The following CACNA2D3 variants were observed in gnomAD, a reference collection of about 807,000 sequenced individuals.
CACNA2D3 encodes the protein voltage-dependent calcium channel subunit alpha-2/delta-3.
Under a neutral mutation model 160.6 loss-of-function variants are expected in CACNA2D3, and 60 were observed. The observed-to-expected ratio is 0.37, with a 90% CI of 0.30 to 0.46. The LOEUF is 0.46. Among genes scored for constraint, CACNA2D3 ranks in the 20% least tolerant of loss-of-function variants. The probability of loss-of-function intolerance (pLI) is 1.00; values close to 1 mark genes in which losing one functional copy is unlikely to be tolerated. For synonymous variants in CACNA2D3, 558 were observed against 492.9 expected, an observed-to-expected ratio of 1.13 and a Z score of -1.75; for missense variants, 1,205 against 1,365.0, an observed-to-expected ratio of 0.88 and a Z score of 1.85.
chr3:54,870,611 A>G (rs1699504615), intron 17 of CACNA2D3, among the ~76,000 whole-genome samples: 3 of 152,222 alleles, frequency 2.0e-5, no homozygotes, highest in Non-Finnish European at 2.9e-5. Context: ...CGTCCGGTCG[A>G]TAAAATGGTA....
In CACNA2D3 at chr3:54,833,902, C is replaced by T. The variant is rs571711259; in HGVS notation, c.1399-3257C>T. On this transcript the variant is annotated intron_variant, in intron 14 of 37. Coordinates refer to ENST00000474759, the MANE Select transcript of CACNA2D3 (RefSeq NM_018398.3). The stretch of plus-strand genomic sequence containing the variant: ...CTGGCCAAGCCAGTTCAAATTGGGG[C>T]CAGAACTGCCCCTAGGAGAGGTCCA... 4.6e-5 allele frequency among the ~76,000 whole-genome samples: 7 copies of T among 152,208 alleles called. No homozygotes were observed. The East Asian group carries it at 1.2e-3, about 25-fold the overall frequency.
At chr3:54,378,319 G>A (rs901438801) in intron 3 of CACNA2D3, among the ~76,000 whole-genome samples, 4 of 152,100 alleles carry the variant, frequency 2.6e-5, no homozygotes, top group Admixed American at 2.0e-4. Flanking sequence ...CCTTGCATGC[G>A]CAGTTCACAA....
intron 11 of CACNA2D3, among the ~76,000 whole-genome samples, chr3:54,663,287 G>A (rs897571746): frequency 6.6e-6 from 1 of 152,194 alleles, no homozygotes; most frequent in Non-Finnish European, 1.5e-5. Context: ...TGGTGTCTTT[G>A]AGCCAGAGAG....
chr3:54,445,476 T>C (rs935035055), intron 4 of CACNA2D3, among the ~76,000 whole-genome samples: 2 of 151,874 alleles, frequency 1.3e-5, no homozygotes, highest in Non-Finnish European at 2.9e-5. Flanking sequence ...AGAGCATTCA[T>C]AGAAAGAATA....
chr3:54,749,953 G>C lies in CACNA2D3; in HGVS notation c.1168-2646G>C, dbSNP rs564332785. On this transcript the variant is annotated intron_variant, in intron 11 of 37. Transcript: ENST00000474759. ...TGTAGCAGCCACAGTGGTGGTGGTG[G>C]TCGTGGTAGGACTGTGCTGGTGAGG... is the stretch of plus-strand genomic sequence containing the variant. Among the ~76,000 whole-genome samples, 16 of 152,348 alleles carry C rather than the reference G, an allele frequency of 1.1e-4. 1 individual carries two copies. The East Asian group carries it at 2.9e-3, about 28-fold the overall frequency.
intron 11 of CACNA2D3, among the ~76,000 whole-genome samples, chr3:54,707,253 A>C (rs991048489): frequency 6.6e-6 from 1 of 152,208 alleles, no homozygotes; most frequent in African/African-American, 2.4e-5. Flanking sequence ...GTCTAGTTCT[A>C]AGGGTCATTC....
intron 11 of CACNA2D3, among the ~76,000 whole-genome samples, chr3:54,722,883 T>A (rs1701196314): frequency 6.6e-6 from 1 of 152,182 alleles, no homozygotes; most frequent in South Asian, 2.1e-4. Flanking sequence ...AGGGACCGAC[T>A]TGAGGAGGCA....
At chr3:54,676,117 C>T (rs148129533) in intron 11 of CACNA2D3, among the ~76,000 whole-genome samples, 199 of 152,280 alleles carry the variant, frequency 1.3e-3, no homozygotes, top group Middle Eastern at 6.8e-3. Context: ...ACATCAACCA[C>T]GCACAGTTGT....
intron 4 of CACNA2D3, among the ~76,000 whole-genome samples, chr3:54,458,292 A>G (rs1308418310): frequency 6.6e-6 from 1 of 152,072 alleles, no homozygotes; most frequent in Non-Finnish European, 1.5e-5. Flanking sequence ...TCATTATGAT[A>G]GTTATTGACA....
intron 13 of CACNA2D3, among the ~76,000 whole-genome samples, chr3:54,789,307 C>G (rs1358708950): frequency 6.6e-6 from 1 of 152,098 alleles, no homozygotes; most frequent in Non-Finnish European, 1.5e-5. Flanking sequence ...GAGTAGAATG[C>G]AAATGTTCAA....
At chr3:54,369,680 G>A (rs983972475) in intron 3 of CACNA2D3, among the ~76,000 whole-genome samples, 1 of 152,120 alleles carries the variant, frequency 6.6e-6, no homozygotes, top group Non-Finnish European at 1.5e-5. Flanking sequence ...TTCCCACCTG[G>A]GACATCTGCC....
chr3:54,809,881 A>T (rs1402859583), intron 13 of CACNA2D3, among the ~76,000 whole-genome samples: 2 of 152,206 alleles, frequency 1.3e-5, no homozygotes, highest in Non-Finnish European at 2.9e-5. Context: ...AGTGAATAAG[A>T]TAGATACAGT....
chr3:54,196,778 G>A (rs1330916606), intron 2 of CACNA2D3, among the ~76,000 whole-genome samples: 1 of 152,166 alleles, frequency 6.6e-6, no homozygotes, highest in Non-Finnish European at 1.5e-5. Context: ...TTTGCACATG[G>A]GCTCAAGGGG....
chr3:54,967,302 T>C (rs1575413112), intron 27 of CACNA2D3, among the ~76,000 whole-genome samples: 2 of 152,342 alleles, frequency 1.3e-5, no homozygotes, highest in East Asian at 1.9e-4. Flanking sequence ...AATCTCCAAG[T>C]TCCTGAAGCC....
At chr3:54,737,370 G>A (rs1701555726) in intron 11 of CACNA2D3, among the ~76,000 whole-genome samples, 1 of 152,114 alleles carries the variant, frequency 6.6e-6, no homozygotes, top group African/African-American at 2.4e-5. Context: ...GAGGTGGAAA[G>A]TTCAATGATG....
At chr3:54,310,439 A>C (rs1039796113) in intron 2 of CACNA2D3, among the ~76,000 whole-genome samples, 1 of 152,200 alleles carries the variant, frequency 6.6e-6, no homozygotes, top group Admixed American at 6.5e-5. Flanking sequence ...ATTATACATT[A>C]GTTTTTATTG....
At chr3:54,228,658 T>C (rs1214885122) in intron 2 of CACNA2D3, among the ~76,000 whole-genome samples, 3 of 152,346 alleles carry the variant, frequency 2.0e-5, no homozygotes, top group Admixed American at 1.3e-4. Context: ...TCTGCAACTT[T>C]ATTCTTTCTC....
At chr3:54,258,085 A>T (rs926166552) in intron 2 of CACNA2D3, among the ~76,000 whole-genome samples, 2 of 152,238 alleles carry the variant, frequency 1.3e-5, no homozygotes, top group Non-Finnish European at 2.9e-5. Context: ...GCATCAAAGC[A>T]TAGTAACCTT....
chr3:54,732,924 C>G (rs1458578294), intron 11 of CACNA2D3, among the ~76,000 whole-genome samples: 2 of 152,226 alleles, frequency 1.3e-5, no homozygotes, highest in African/African-American at 4.8e-5. Context: ...TTAATTTCAG[C>G]AAGAATGACA....
Sources: allele counts gnomAD v4.1 joint callset (sites outside exome capture counted in the v4.1 genomes callset), GRCh38; gene constraint gnomAD v4.1.1; transcripts MANE v1.5; gene names NCBI Gene and HGNC (gene_info 2026-07-23, HGNC 2026-07-21).